Variants in DPYSL3 observed in about 807,000 individuals in gnomAD.
DPYSL3 encodes the protein dihydropyrimidinase-related protein 3.
Under a neutral mutation model 66.1 loss-of-function variants are expected in DPYSL3, and 16 were observed. The observed-to-expected ratio is 0.24, with a 90% CI of 0.16 to 0.37. The LOEUF is 0.37. DPYSL3 is among the 10% of genes least tolerant of loss of function. DPYSL3 has a pLI of 1.00. For missense variants in DPYSL3, 738 were observed against 916.2 expected (o/e 0.81, Z 2.51); for synonymous variants, 338 against 345.1 (o/e 0.98, Z 0.23).
intron 13 of DPYSL3, among the ~76,000 whole-genome samples, chr5:147,394,380 GGAA>G (rs542202296): frequency 3.6e-4 from 55 of 152,230 alleles, no homozygotes; most frequent in African/African-American, 9.4e-4. Context: ...AATAATACTG[GGAA>G]GAAGAACAAT....
chr5:147,437,812 G>C (rs1422772127), intron 1 of DPYSL3, among the ~76,000 whole-genome samples: 1 of 152,198 alleles, frequency 6.6e-6, no homozygotes, highest in African/African-American at 2.4e-5. Context: ...TGACTGTAAA[G>C]CGAGGAAAAT....
At position 147,485,254 on chromosome 5, in the gene DPYSL3, C is replaced by T. The variant is rs114003426; in HGVS notation, c.381+24224G>A. On this transcript the variant is annotated intron_variant, in intron 1 of 13. Coordinates refer to ENST00000343218, the MANE Select transcript of DPYSL3 (RefSeq NM_001197294.2). ...TTAATTTTTTGATTGTGGCTGAGAG[C>T]GTGAGTTTGGAGATTTAGACAAAAT... Among the ~76,000 whole-genome samples, 654 of 152,214 alleles carry T rather than the reference C, an allele frequency of 4.3e-3. 2 individuals are homozygous for T. The highest frequency in any genetic ancestry group is 0.015 in the African/African-American group (616 of 41,552).
At chr5:147,493,703 A>C (rs1261780925) in intron 1 of DPYSL3, among the ~76,000 whole-genome samples, 1 of 152,266 alleles carries the variant, frequency 6.6e-6, no homozygotes, top group Admixed American at 6.5e-5. Flanking sequence ...TACTTCATCC[A>C]ACAAAAGCAG....
intron 1 of DPYSL3, among the ~76,000 whole-genome samples, chr5:147,508,285 C>CA (rs1753709100): frequency 6.6e-6 from 1 of 152,130 alleles, no homozygotes; most frequent in African/African-American, 2.4e-5. Flanking sequence ...TCTAAACTTT[C>CA]AAAAATCAAA....
At chr5:147,416,049 A>C (rs17106701) in intron 3 of DPYSL3, among the ~76,000 whole-genome samples, 176 bp from the exon 4 acceptor site, 4,283 of 152,178 alleles carry the variant, frequency 0.028, 183 homozygotes, top group East Asian at 0.19. Flanking sequence ...TAAATGTCAC[A>C]AAGCTATGTG....
chr5:147,424,806 A>G (rs996172688), intron 2 of DPYSL3, 69 bp downstream of exon 2: 9 of 1,210,278 alleles, frequency 7.4e-6, no homozygotes, highest in African/African-American at 4.6e-5. Flanking sequence ...ATGTAATCCA[A>G]CCTCCTTTAT....
Position 147,391,789 on chromosome 5 carries a change from G to T in DPYSL3, c.*2246C>A, listed in dbSNP as rs965679948. 1.3e-5 allele frequency: 2 copies of T among 152,170 alleles called. No homozygotes were observed. Among genetic ancestry groups the T allele is most frequent in the African/African-American group, 2.4e-5 (1 of 41,434 alleles). 9.4% of individuals were successfully genotyped at this position (152,170 alleles called of 1,614,324 possible). On this transcript the variant is annotated 3_prime_UTR_variant, in exon 14 of 14. Transcript: ENST00000343218. ...AAGAGAGGCTTCCTGAGCTCATGTTGTTCCTCCCAAGGGCATTTGGGGGTT... is the reference window on the plus strand; with the variant it reads ...AAGAGAGGCTTCCTGAGCTCATGTTTTTCCTCCCAAGGGCATTTGGGGGTT...
At chr5:147,494,511 CA>C (rs1236422584) in intron 1 of DPYSL3, among the ~76,000 whole-genome samples, 1 of 151,478 alleles carries the variant, frequency 6.6e-6, no homozygotes, top group Non-Finnish European at 1.5e-5. Flanking sequence ...AGAAAAGATA[CA>C]AATTACTAAT....
intron 1 of DPYSL3, among the ~76,000 whole-genome samples, chr5:147,460,124 A>G (rs1350358463): frequency 6.6e-6 from 1 of 152,076 alleles, no homozygotes; most frequent in Non-Finnish European, 1.5e-5. Flanking sequence ...AAAAAAAAAA[A>G]GATGAGGTTG....
chr5:147,397,907 C>G lies in DPYSL3; in HGVS notation c.1624-62G>C, dbSNP rs898885711. The G allele has an allele frequency of 3.2e-6, 4 of 1,243,074 alleles. No homozygotes were observed. In the African/African-American group the frequency reaches 4.7e-5, roughly 15 times the overall value. The allele number at this position is 1,243,074 out of a possible 1,614,324, so 77.0% of individuals were successfully genotyped here. ...GTAGAGAAAGAGGAACGTACCTTCTCTCCTTGAGACCTTCAGTGTCATTTG... is the reference window on the plus strand; with the variant it reads ...GTAGAGAAAGAGGAACGTACCTTCTGTCCTTGAGACCTTCAGTGTCATTTG... On this transcript the variant is annotated intron_variant, in intron 11 of 13. Transcript: ENST00000343218.
intron 1 of DPYSL3, among the ~76,000 whole-genome samples, chr5:147,435,084 A>G (rs894850175): frequency 2.0e-5 from 3 of 152,164 alleles, no homozygotes; most frequent in Admixed American, 6.5e-5. Context: ...TCTAAAAAAC[A>G]AAGTCTATTA....
intron 1 of DPYSL3, among the ~76,000 whole-genome samples, chr5:147,449,556 C>A (rs913416296): frequency 6.6e-6 from 1 of 152,216 alleles, no homozygotes; most frequent in Non-Finnish European, 1.5e-5. Flanking sequence ...CTCAGCTGCA[C>A]GTGCCTCCAA....
intron 1 of DPYSL3, among the ~76,000 whole-genome samples, chr5:147,461,366 A>G (rs1394996033): frequency 6.6e-6 from 1 of 152,162 alleles, no homozygotes; most frequent in African/African-American, 2.4e-5. Context: ...TTTGTGCCCT[A>G]TGTAAATCAG....
At chr5:147,422,410 A>G (rs1255547724) in intron 2 of DPYSL3, among the ~76,000 whole-genome samples, 1 of 152,218 alleles carries the variant, frequency 6.6e-6, no homozygotes, top group African/African-American at 2.4e-5. Context: ...GTGGGAGTGT[A>G]AACTAGTTCA....
intron 1 of DPYSL3, among the ~76,000 whole-genome samples, chr5:147,441,845 G>A (rs1272771874): frequency 6.6e-6 from 1 of 152,122 alleles, no homozygotes; most frequent in South Asian, 2.1e-4. Flanking sequence ...CTGAGATAGA[G>A]CATGCAATGA....
intron 7 of DPYSL3, among the ~76,000 whole-genome samples, chr5:147,406,535 AT>A (rs1256203940): frequency 6.6e-6 from 1 of 152,164 alleles, no homozygotes; most frequent in Non-Finnish European, 1.5e-5. Context: ...TGTGGTGAGG[AT>A]TAAATGAGTT....
At chr5:147,434,688 A>C (rs1361986003) in intron 1 of DPYSL3, among the ~76,000 whole-genome samples, 1 of 150,514 alleles carries the variant, frequency 6.6e-6, no homozygotes, top group Non-Finnish European at 1.5e-5. Flanking sequence ...AAAATGACGA[A>C]GAGTAAAACT....
At chr5:147,422,419 C>A (rs1752099819) in intron 2 of DPYSL3, among the ~76,000 whole-genome samples, 1 of 152,134 alleles carries the variant, frequency 6.6e-6, no homozygotes, top group African/African-American at 2.4e-5. Context: ...TAAACTAGTT[C>A]AACCATTGTG....
chr5:147,491,424 T>C (rs1753413667), intron 1 of DPYSL3, among the ~76,000 whole-genome samples: 1 of 151,746 alleles, frequency 6.6e-6, no homozygotes. Context: ...GAAAACCGAG[T>C]GTGAAGAGAC....
Sources: gnomAD v4.1 joint callset for allele counts (sites outside exome capture counted in the v4.1 genomes callset) on GRCh38, gnomAD v4.1.1 for gene constraint, MANE v1.5 for transcripts, NCBI Gene and HGNC (gene_info 2026-07-23, HGNC 2026-07-21) for gene names.